INO80D: variants seen among roughly 807,000 people sequenced by gnomAD.
INO80D encodes INO80 complex subunit D.
A neutral mutation model predicts 87.6 loss-of-function variants in INO80D; 21 were observed. That is an observed-to-expected ratio of 0.24 (90% CI 0.17 to 0.35). The LOEUF (loss-of-function observed/expected upper bound fraction) is 0.35. Among genes scored for constraint, INO80D ranks in the 10% least tolerant of loss-of-function variants. The pLI, the probability that INO80D is intolerant of heterozygous loss-of-function variation, is 1.00. For missense variants in INO80D, 982 were observed against 1,280.7 expected (o/e 0.77, Z 3.56); for synonymous variants, 440 against 491.0 (o/e 0.90, Z 1.37).
chr2:206,074,704 C>G (rs1267749528), intron 1 of INO80D, among the ~76,000 whole-genome samples: 2 of 152,250 alleles, frequency 1.3e-5, no homozygotes, highest in African/African-American at 4.8e-5. Context: ...CTCTGGGAGG[C>G]TGAGGTGGGA....
chr2:206,083,860 C>CAA (rs35840816), intron 1 of INO80D, among the ~76,000 whole-genome samples: 12,398 of 99,338 alleles, frequency 0.12, 804 homozygotes, highest in Non-Finnish European at 0.18. Context: ...CTAAGCTCAC[C>CAA]AAAAAAAAAA....
In INO80D at chr2:206,028,296, C is replaced by G; in HGVS notation, c.1113G>C (p.Val371=). The change falls in exon 6 of 11, where the codon GTG becomes GTC. Residue 371 remains valine (V), a synonymous_variant. Coordinates refer to ENST00000403263, the MANE Select transcript of INO80D (RefSeq NM_017759.5). The part of the protein sequence containing the change: ...DDDAESRSSR[V]TQLCTYFQQK... ...GCTGAAAGTAAGTGCAAAGTTGAGTCACCCTGGAGCTCCTACTCTCCGCAT... is the reference window on the plus strand; with the variant it reads ...GCTGAAAGTAAGTGCAAAGTTGAGTGACCCTGGAGCTCCTACTCTCCGCAT... 1 of 1,609,110 alleles carries G rather than the reference C, an allele frequency of 6.2e-7. No individual in the cohort carries two copies. The highest frequency in any genetic ancestry group is 1.7e-4 in the Middle Eastern group (1 of 6,040).
Position 206,085,833 on chromosome 2 carries a change from C to G in INO80D, c.-124+68G>C, listed in dbSNP as rs896738048. 4.6e-5 allele frequency: 7 copies of G among 151,932 alleles called. No homozygotes were observed. Among genetic ancestry groups the G allele is most frequent in the East Asian group, 1.9e-4 (1 of 5,158 alleles). The allele number at this position is 151,932 out of a possible 1,614,324, so 9.4% of individuals were successfully genotyped here. On this transcript the variant is annotated intron_variant, in intron 1 of 10. Transcript: ENST00000403263. This position sits in a 1 kb window ranked among gnomAD's most constrained non-coding sequence, Gnocchi z 4.5. ...GCGCGCTCGCCGCCCGCCCAGCCTGCGCGGCCCAGCCCGCCGCCCTACGGG... is the reference window on the plus strand; with the variant it reads ...GCGCGCTCGCCGCCCGCCCAGCCTGGGCGGCCCAGCCCGCCGCCCTACGGG...
intron 5 of INO80D, among the ~76,000 whole-genome samples, chr2:206,029,703 T>C (rs1231762302): frequency 2.6e-5 from 4 of 152,190 alleles, no homozygotes; most frequent in Non-Finnish European, 5.9e-5. Flanking sequence ...GATCTACAAA[T>C]TGAAGGACTT....
At chr2:206,068,948 G>A (rs908320915) in intron 1 of INO80D, among the ~76,000 whole-genome samples, 3 of 152,080 alleles carry the variant, frequency 2.0e-5, no homozygotes, top group Non-Finnish European at 1.5e-5. Context: ...TGATCTCCCT[G>A]CCTGGGCCTC....
At chr2:206,018,682 A>G (rs1688382624) in intron 7 of INO80D, among the ~76,000 whole-genome samples, 1 of 152,068 alleles carries the variant, frequency 6.6e-6, no homozygotes, top group South Asian at 2.1e-4. Flanking sequence ...GCACTGTGGG[A>G]GGCTAAGGTG....
chr2:206,006,184 T>TA (rs1388513243), intron 10 of INO80D, among the ~76,000 whole-genome samples: 6 of 152,330 alleles, frequency 3.9e-5, no homozygotes, highest in African/African-American at 1.2e-4. Context: ...TTCTAATATT[T>TA]AAAAAATCTA....
chr2:206,009,562 A>C lies in INO80D; in HGVS notation c.1760+15T>G, dbSNP rs190338791. The C allele has an allele frequency of 1.3e-6, 2 of 1,581,336 alleles. No individual in the cohort carries two copies. The highest frequency in any genetic ancestry group is 1.7e-6 in the Non-Finnish European group (2 of 1,166,674). Reference sequence around the variant, plus strand: ...AAAATGTAAAGAAAAATTAGGTGCCAGTGGCACCACTGACCGGATGTGAGA... The same window carrying C: ...AAAATGTAAAGAAAAATTAGGTGCCCGTGGCACCACTGACCGGATGTGAGA... On this transcript the variant is annotated intron_variant, in intron 9 of 10. Coordinates refer to ENST00000403263, the MANE Select transcript of INO80D (RefSeq NM_017759.5).
At chr2:206,050,778 C>G (rs1003834693) in intron 4 of INO80D, among the ~76,000 whole-genome samples, 2 of 151,896 alleles carry the variant, frequency 1.3e-5, no homozygotes, top group African/African-American at 4.8e-5. Flanking sequence ...ACCATCTTGG[C>G]TAACACGGTG....
chr2:206,071,011 G>A lies in INO80D; in HGVS notation c.-123-7767C>T, dbSNP rs182091623. Among the ~76,000 whole-genome samples, 823 of 151,390 alleles carry A rather than the reference G, an allele frequency of 5.4e-3. 11 individuals carry two copies. The highest frequency in any genetic ancestry group is 0.019 in the African/African-American group (779 of 41,238). On this transcript the variant is annotated intron_variant, in intron 1 of 10. Transcript: ENST00000403263. ...TCACTCTTGTTGCCCAGGCTGGAGT[G>A]CAATGGCACGATCTCAGCTCACTGC... is the stretch of plus-strand genomic sequence containing the variant.
chr2:206,084,663 T>TCTC (rs1690386661), intron 1 of INO80D: 1 of 152,266 alleles, frequency 6.6e-6, no homozygotes, highest in South Asian at 2.1e-4. Context: ...TCACTGACAG[T>TCTC]CTCCTCGCTG....
chr2:206,070,496 G>A (rs183214412), intron 1 of INO80D, among the ~76,000 whole-genome samples: 7 of 152,076 alleles, frequency 4.6e-5, no homozygotes, highest in East Asian at 1.9e-4. Context: ...CGAGGTGGGC[G>A]GATCATGAGG....
At position 206,005,007 on chromosome 2, in the gene INO80D, T is replaced by G; in HGVS notation, c.2445A>C (p.Gln815His). ...AGGAGTGTGAGTGATCACTGCTGTA[T>G]TGCTGTCGTGAGGTGATTAGGTCAT... ...KADDLITSRQ[Q>H]YSSDHSHSSP... The change falls in exon 11 of 11, where the codon CAA (glutamine) becomes CAC (histidine). Residue 815 changes from glutamine to histidine, a missense_variant. Transcript: ENST00000403263. The G allele has an allele frequency of 6.2e-7, 1 of 1,614,028 alleles. No homozygotes were observed. Among genetic ancestry groups the G allele is most frequent in the Non-Finnish European group, 8.5e-7 (1 of 1,179,886 alleles).
chr2:206,031,821 G>A (rs1688775167), intron 5 of INO80D, among the ~76,000 whole-genome samples: 1 of 152,178 alleles, frequency 6.6e-6, no homozygotes, highest in Admixed American at 6.5e-5. Flanking sequence ...GAAGGAAGTG[G>A]ACTGCTCCTG....
At chr2:206,059,793 G>A (rs1277813814) in intron 3 of INO80D, among the ~76,000 whole-genome samples, 2 of 152,158 alleles carry the variant, frequency 1.3e-5, no homozygotes, top group Non-Finnish European at 2.9e-5. Context: ...TTTGAGCTAG[G>A]TCCCATATAT....
At chr2:206,074,589 G>A (rs1406964551) in intron 1 of INO80D, among the ~76,000 whole-genome samples, 1 of 152,074 alleles carries the variant, frequency 6.6e-6, no homozygotes, top group Non-Finnish European at 1.5e-5. Flanking sequence ...ACTCCAACCT[G>A]TCTAAAAACA....
Position 206,050,862 on chromosome 2 carries a change from G to T in INO80D, c.965-4250C>A, listed in dbSNP as rs532309283. Reference sequence around the variant, plus strand: ...CGGGCGCCTGTAGTCCCAACTACTCGGCAGGCTGAAGCAGGAGAATGGCGT... The same window carrying T: ...CGGGCGCCTGTAGTCCCAACTACTCTGCAGGCTGAAGCAGGAGAATGGCGT... On this transcript the variant is annotated intron_variant, in intron 4 of 10. Transcript: ENST00000403263. Among the ~76,000 whole-genome samples the T allele has an allele frequency of 1.7e-4, 26 of 150,834 alleles. No homozygotes were observed. In the East Asian group the frequency reaches 5.0e-3, roughly 29 times the overall value.
At chr2:206,051,283 A>T (rs1689363281) in intron 4 of INO80D, among the ~76,000 whole-genome samples, 1 of 151,188 alleles carries the variant, frequency 6.6e-6, no homozygotes, top group Non-Finnish European at 1.5e-5. Flanking sequence ...TGGCATGATT[A>T]TAGCTCACTG....
intron 8 of INO80D, among the ~76,000 whole-genome samples, chr2:206,012,151 C>T (rs1688192317): frequency 6.6e-6 from 1 of 152,172 alleles, no homozygotes; most frequent in African/African-American, 2.4e-5. Flanking sequence ...AAAGGGCCTG[C>T]TCTAAAGGCT....
Sources: allele counts gnomAD v4.1 joint callset (sites outside exome capture counted in the v4.1 genomes callset), GRCh38; gene constraint gnomAD v4.1.1; non-coding constraint Gnocchi (gnomAD v3.1); transcripts MANE v1.5; gene names NCBI Gene and HGNC (gene_info 2026-07-23, HGNC 2026-07-21).